Variants in KRAS observed in about 807,000 individuals in gnomAD.
KRAS encodes the protein KRas proto-oncogene, GTPase.
A neutral mutation model predicts 21.0 loss-of-function variants in KRAS; 1 was observed. That is an observed-to-expected ratio of 0.05 (90% confidence interval 0.02 to 0.23). The LOEUF (loss-of-function observed/expected upper bound fraction) is 0.23, where lower values mean the gene tolerates loss of function less well. Ranked by LOEUF, KRAS falls within the 10% of genes least tolerant of loss-of-function variation. KRAS has a pLI of 1.00. For synonymous variants in KRAS, 67 were observed against 72.5 expected, an observed-to-expected ratio of 0.92 and a Z score of 0.39; for missense variants, 107 against 221.8, an observed-to-expected ratio of 0.48 and a Z score of 3.29.
At chr12:25,235,279 T>A in intron 2 of KRAS, 1 of 507,554 alleles carries the variant, frequency 2.0e-6, no homozygotes, top group Non-Finnish European at 3.7e-6. Context: ...GTACTTTACG[T>A]TACTCTTCCG....
In KRAS at chr12:25,205,685, G is replaced by T; in HGVS notation, c.*4110C>A. ...CACTGTAACCCAGTTAGCTCTGTGG[G>T]GGTGTGGGGGGAGAGATGGGCCCTC... On this transcript the variant is annotated 3_prime_UTR_variant, in exon 5 of 5. Coordinates refer to ENST00000311936, the MANE Select transcript of KRAS (RefSeq NM_004985.5). The T allele has an allele frequency of 4.5e-6, 1 of 224,554 alleles. No individual in the cohort carries two copies. Among genetic ancestry groups the T allele is most frequent in the Non-Finnish European group, 8.9e-6 (1 of 112,978 alleles). The allele number at this position is 224,554 out of a possible 1,614,324, so 13.9% of individuals were successfully genotyped here. A position where few individuals can be genotyped will look rare whatever the true frequency, so the allele number is the denominator to read the frequency against.
chr12:25,219,509 T>A (rs1951295151), intron 4 of KRAS, among the ~76,000 whole-genome samples: 1 of 152,316 alleles, frequency 6.6e-6, no homozygotes, highest in South Asian at 2.1e-4. Flanking sequence ...TTGTTTTAAG[T>A]AAGTTTTTGT....
chr12:25,205,569 A>G lies in KRAS; in HGVS notation c.*4226T>C. The G allele has an allele frequency of 9.2e-6, 2 of 217,338 alleles. No individual in the cohort carries two copies. The highest frequency in any genetic ancestry group is 1.9e-5 in the Non-Finnish European group (2 of 107,698). 13.5% of individuals were successfully genotyped at this position (217,338 alleles called of 1,614,324 possible). A position where few individuals can be genotyped will look rare whatever the true frequency, so the allele number is the denominator to read the frequency against. ...TAAACATGTTACATTAAGAAATAGTACTAGTAAGAAATTGGCACTCAAAGG... is the reference window on the plus strand; with the variant it reads ...TAAACATGTTACATTAAGAAATAGTGCTAGTAAGAAATTGGCACTCAAAGG... On this transcript the variant is annotated 3_prime_UTR_variant, in exon 5 of 5. Transcript: ENST00000311936.
chr12:25,249,591 C>CAAAAAAAGAAAAAAAAAA (rs1951737431), intron 1 of KRAS, among the ~76,000 whole-genome samples: 1 of 60,822 alleles, frequency 1.6e-5, no homozygotes, highest in African/African-American at 6.3e-5. Flanking sequence ...GACTGTGTCT[C>CAAAAAAAGAAAAAAAAAA]AAAAAAAAAA....
chr12:25,224,326 A>G (rs1363823761), intron 4 of KRAS, among the ~76,000 whole-genome samples: 1 of 152,046 alleles, frequency 6.6e-6, no homozygotes, highest in African/African-American at 2.4e-5. Context: ...TTCCAGTGGG[A>G]CAAGATGTGG....
intron 1 of KRAS, among the ~76,000 whole-genome samples, chr12:25,249,334 T>A (rs1236781704): frequency 6.6e-6 from 1 of 151,860 alleles, no homozygotes; most frequent in Non-Finnish European, 1.5e-5. Context: ...GAGGCAGAGG[T>A]TGCAGTGAGC....
intron 2 of KRAS, among the ~76,000 whole-genome samples, chr12:25,240,145 C>T (rs61761091): frequency 0.014 from 2,162 of 152,228 alleles, 47 homozygotes; most frequent in African/African-American, 0.05. Flanking sequence ...GCATGAGCCA[C>T]CATATCTGGC....
intron 2 of KRAS, among the ~76,000 whole-genome samples, chr12:25,239,781 C>T (rs184231429): frequency 2.0e-5 from 3 of 152,060 alleles, no homozygotes; most frequent in Admixed American, 1.3e-4. Context: ...GGTGAAACCC[C>T]GTCTCTACTA....
At position 25,209,946 on chromosome 12, in the gene KRAS, A is replaced by G. The variant is rs369289255; in HGVS notation, c.451-35T>C. The G allele has an allele frequency of 6.6e-6, 10 of 1,524,740 alleles. No individual in the cohort carries two copies. In the African/African-American group the frequency reaches 1.2e-4, roughly 19 times the overall value. 94.5% of individuals were successfully genotyped at this position (1,524,740 alleles called of 1,614,324 possible). On this transcript the variant is annotated intron_variant, in intron 4 of 4. Transcript: ENST00000311936. ...ATAAAAAGTATTAAAATGTGAATAT[A>G]TACGATGGCTTCATGTGTACAGGTA... is the stretch of plus-strand genomic sequence containing the variant.
chr12:25,248,021 T>A (rs1951706707), intron 1 of KRAS, among the ~76,000 whole-genome samples: 1 of 152,146 alleles, frequency 6.6e-6, no homozygotes, highest in South Asian at 2.1e-4. Context: ...AGATTTTTTT[T>A]AATCCTGGAT....
intron 4 of KRAS, among the ~76,000 whole-genome samples, chr12:25,210,243 C>T (rs1013217751): frequency 2.0e-5 from 3 of 152,126 alleles, no homozygotes; most frequent in Admixed American, 6.5e-5. Flanking sequence ...CATCAAAATC[C>T]AAATGCATGT....
At chr12:25,235,714 CAT>C (rs982407138) in intron 2 of KRAS, among the ~76,000 whole-genome samples, 5 of 152,114 alleles carry the variant, frequency 3.3e-5, no homozygotes, top group African/African-American at 9.7e-5. Flanking sequence ...ATGTAAAAAA[CAT>C]AGAACAGCAT....
At chr12:25,222,346 T>A (rs1158286836) in intron 4 of KRAS, among the ~76,000 whole-genome samples, 1 of 152,078 alleles carries the variant, frequency 6.6e-6, no homozygotes, top group African/African-American at 2.4e-5. Flanking sequence ...CTCTTTAAAG[T>A]CTTCCAGAAG....
chr12:25,221,375 G>T (rs1242901570), intron 4 of KRAS, among the ~76,000 whole-genome samples: 1 of 151,896 alleles, frequency 6.6e-6, no homozygotes, highest in Non-Finnish European at 1.5e-5. Flanking sequence ...CAGGATAACA[G>T]GCACCCGCCA....
chr12:25,236,162 G>A lies in KRAS; in HGVS notation c.112-8750C>T, dbSNP rs569701119. Among the ~76,000 whole-genome samples the A allele has an allele frequency of 6.6e-5, 10 of 152,152 alleles. No individual in the cohort carries two copies. The South Asian group carries it at 1.9e-3, about 28-fold the overall frequency. ...CCAAGAAGTGAAACTGGACAATCAAGCAGGGGCCAGCTTACGGAGGGTCAT... is the reference window on the plus strand; with the variant it reads ...CCAAGAAGTGAAACTGGACAATCAAACAGGGGCCAGCTTACGGAGGGTCAT... On this transcript the variant is annotated intron_variant, in intron 2 of 4. Coordinates refer to ENST00000311936, the MANE Select transcript of KRAS (RefSeq NM_004985.5).
At position 25,231,423 on chromosome 12, in the gene KRAS, T is replaced by G. The variant is rs536895501; in HGVS notation, c.112-4011A>C. ...TTTACTTACCAATGTAGGCTGAGTA[T>G]CCCTACTCTGAAAAACCAAAATCCA... On this transcript the variant is annotated intron_variant, in intron 2 of 4. Coordinates refer to ENST00000311936, the MANE Select transcript of KRAS (RefSeq NM_004985.5). 3.9e-5 allele frequency among the ~76,000 whole-genome samples: 6 copies of G among 152,104 alleles called. No homozygotes were observed. The South Asian group carries it at 8.3e-4, about 21-fold the overall frequency.
At chr12:25,214,343 G>A (rs1951230903) in intron 4 of KRAS, among the ~76,000 whole-genome samples, 3 of 151,652 alleles carry the variant, frequency 2.0e-5, no homozygotes, top group African/African-American at 4.8e-5. Flanking sequence ...AGGACTATCT[G>A]CAACACATGT....
intron 1 of KRAS, among the ~76,000 whole-genome samples, chr12:25,248,605 C>CAA (rs377334949): frequency 3.8e-5 from 5 of 131,964 alleles, no homozygotes; most frequent in Admixed American, 7.4e-5. Flanking sequence ...TGGTTGTTTC[C>CAA]AGAAAAAAAA....
At chr12:25,240,074 G>A (rs991800594) in intron 2 of KRAS, among the ~76,000 whole-genome samples, 3 of 151,942 alleles carry the variant, frequency 2.0e-5, no homozygotes, top group Non-Finnish European at 4.4e-5. Context: ...CAAACCTATA[G>A]AAAAGTAGTA....
Sources: allele counts gnomAD v4.1 joint callset (sites outside exome capture counted in the v4.1 genomes callset), GRCh38; gene constraint gnomAD v4.1.1; transcripts MANE v1.5; gene names NCBI Gene and HGNC (gene_info 2026-07-23, HGNC 2026-07-21).